Variants in POC1A observed in about 807,000 individuals in gnomAD.
The protein encoded by POC1A is POC1 centriolar protein A.
A neutral mutation model predicts 47.8 loss-of-function variants in POC1A; 34 were observed. The ratio of observed to expected loss-of-function variants is 0.71; its 90% CI spans 0.54 to 0.95. The LOEUF is 0.95. Ranked by LOEUF, POC1A falls within the 40% of genes least tolerant of loss-of-function variation. The probability of loss-of-function intolerance (pLI) is 0.00; values close to 1 mark genes in which losing one functional copy is unlikely to be tolerated. For synonymous variants in POC1A, 177 were observed against 207.6 expected (o/e 0.85, Z 1.27); for missense variants, 466 against 528.3 (o/e 0.88, Z 1.16).
chr3:52,098,846 A>C (rs1184975907), intron 9 of POC1A, among the ~76,000 whole-genome samples: 2 of 152,064 alleles, frequency 1.3e-5, no homozygotes, highest in African/African-American at 2.4e-5. Context: ...GTGTAACCTC[A>C]CTTCATCCTT....
At chr3:52,082,119 G>A (rs1038045199) in intron 10 of POC1A, among the ~76,000 whole-genome samples, 3 of 152,024 alleles carry the variant, frequency 2.0e-5, no homozygotes, top group Non-Finnish European at 4.4e-5. Flanking sequence ...GAGTTGCACT[G>A]CATTTTTAAG....
chr3:52,139,526 T>C (rs1313181711), intron 6 of POC1A, among the ~76,000 whole-genome samples: 1 of 152,078 alleles, frequency 6.6e-6, no homozygotes, highest in Non-Finnish European at 1.5e-5. Flanking sequence ...ACCTTAAAGC[T>C]CATTACTGGA....
In POC1A at chr3:52,119,698, G is replaced by T. The variant is rs377480779; in HGVS notation, c.981+2681C>A. On this transcript the variant is annotated intron_variant, in intron 9 of 10. Transcript: ENST00000296484. ...GGTGTGGGCCACCATGCCTGGCCTA[G>T]AAGACATTTTTGGTTGTCACAACTT... is the stretch of plus-strand genomic sequence containing the variant. Among the ~76,000 whole-genome samples, 32 of 152,262 alleles carry T rather than the reference G, an allele frequency of 2.1e-4. No individual in the cohort carries two copies. In the East Asian group the frequency reaches 5.4e-3, roughly 26 times the overall value.
intron 2 of POC1A, 152 bp from the exon 3 acceptor site, chr3:52,150,139 C>T (rs926708086): frequency 1.6e-5 from 10 of 644,378 alleles, no homozygotes; most frequent in Admixed American, 1.2e-4. Context: ...GAGCAGAGCA[C>T]ATCTCGAGGT....
chr3:52,131,504 G>A (rs1704208160), intron 7 of POC1A, among the ~76,000 whole-genome samples: 1 of 152,122 alleles, frequency 6.6e-6, no homozygotes, highest in South Asian at 2.1e-4. Context: ...AGACTTTCCA[G>A]AGCCTCAAAT....
At chr3:52,077,604 G>C (rs1702158358) in intron 10 of POC1A, among the ~76,000 whole-genome samples, 1 of 152,246 alleles carries the variant, frequency 6.6e-6, no homozygotes, top group African/African-American at 2.4e-5. Flanking sequence ...TGGCCAGCCA[G>C]CCGGGGAGGG....
At chr3:52,133,897 C>A (rs1704333573) in intron 7 of POC1A, among the ~76,000 whole-genome samples, 1 of 152,216 alleles carries the variant, frequency 6.6e-6, no homozygotes, top group African/African-American at 2.4e-5. Context: ...GCACTGTCCA[C>A]TTCTCAGATG....
At chr3:52,132,404 C>T (rs903081537) in intron 7 of POC1A, among the ~76,000 whole-genome samples, 37 of 152,146 alleles carry the variant, frequency 2.4e-4, no homozygotes, top group African/African-American at 8.0e-4. Context: ...AGTATCATCC[C>T]CCACCAGACA....
Position 52,079,482 on chromosome 3 carries a change from C to T in POC1A, c.1126-3497G>A, listed in dbSNP as rs984481749. Among the ~76,000 whole-genome samples the T allele has an allele frequency of 5.3e-5, 8 of 152,258 alleles. No homozygotes were observed. Among genetic ancestry groups the T allele is most frequent in the African/African-American group, 1.7e-4 (7 of 41,474 alleles). On this transcript the variant is annotated intron_variant, in intron 10 of 10. Coordinates refer to ENST00000296484, the MANE Select transcript of POC1A (RefSeq NM_015426.5). This position sits in a 1 kb window ranked among gnomAD's most constrained non-coding sequence, Gnocchi z 4.6. Reference sequence around the variant, plus strand: ...TCCACACTCCATGGCCTGGAAGCCACGACTTTCATTTATTCAAGGAAAAAT... The same window carrying T: ...TCCACACTCCATGGCCTGGAAGCCATGACTTTCATTTATTCAAGGAAAAAT...
intron 10 of POC1A, among the ~76,000 whole-genome samples, chr3:52,092,853 C>T (rs543014699): frequency 1.1e-4 from 17 of 152,328 alleles, no homozygotes; most frequent in African/African-American, 3.9e-4. Context: ...GTCCCAAGGG[C>T]AGTTTGGTTT....
At chr3:52,132,228 C>G (rs1704239736) in intron 7 of POC1A, among the ~76,000 whole-genome samples, 1 of 152,164 alleles carries the variant, frequency 6.6e-6, no homozygotes, top group African/African-American at 2.4e-5. Flanking sequence ...AGAGGCAACA[C>G]TGGAATCATC....
At chr3:52,082,865 C>G (rs140309528) in intron 10 of POC1A, among the ~76,000 whole-genome samples, 1 of 152,112 alleles carries the variant, frequency 6.6e-6, no homozygotes, top group Non-Finnish European at 1.5e-5. Context: ...TCAACAGATA[C>G]CCCCAGTCTG....
intron 9 of POC1A, among the ~76,000 whole-genome samples, chr3:52,110,487 T>C (rs1703343125): frequency 6.6e-6 from 1 of 152,222 alleles, no homozygotes; most frequent in Admixed American, 6.5e-5. Context: ...GTTTCTGAGC[T>C]TAAAAAAATA....
At chr3:52,109,533 C>T (rs1431375211) in intron 9 of POC1A, among the ~76,000 whole-genome samples, 2 of 151,958 alleles carry the variant, frequency 1.3e-5, no homozygotes, top group East Asian at 3.9e-4. Flanking sequence ...AAAGGAGCTG[C>T]GGAGCTGATC....
chr3:52,081,805 G>A (rs1285320866), intron 10 of POC1A, among the ~76,000 whole-genome samples: 1 of 152,142 alleles, frequency 6.6e-6, no homozygotes. Flanking sequence ...GTGGGAAGGT[G>A]AGGTGCAGGC....
intron 9 of POC1A, among the ~76,000 whole-genome samples, chr3:52,097,791 C>T (rs1052152927): frequency 1.3e-5 from 2 of 152,224 alleles, no homozygotes; most frequent in South Asian, 4.1e-4. Context: ...TGAGCAGCAC[C>T]GTGTCCACAC....
At chr3:52,111,739 T>C (rs1163198522) in intron 9 of POC1A, among the ~76,000 whole-genome samples, 2 of 147,226 alleles carry the variant, frequency 1.4e-5, no homozygotes, top group African/African-American at 5.0e-5. Context: ...ACCCAAGCCA[T>C]CTCTGGCTCA....
intron 4 of POC1A, 70 bp from the exon 5 acceptor site, chr3:52,147,165 C>T: frequency 8.3e-7 from 1 of 1,201,600 alleles, no homozygotes; most frequent in South Asian, 1.2e-5. Flanking sequence ...CCTTCTTCCA[C>T]AGCCACTCTT....
At chr3:52,101,624 T>C (rs1703008387) in intron 9 of POC1A, among the ~76,000 whole-genome samples, 1 of 152,108 alleles carries the variant, frequency 6.6e-6, no homozygotes, top group African/African-American at 2.4e-5. Context: ...CAGAGAAGTA[T>C]GGCTATAATG....
Sources: gnomAD v4.1 joint callset for allele counts (sites outside exome capture counted in the v4.1 genomes callset) on GRCh38, gnomAD v4.1.1 for gene constraint, Gnocchi (gnomAD v3.1) non-coding constraint, MANE v1.5 for transcripts, NCBI Gene and HGNC (gene_info 2026-07-23, HGNC 2026-07-21) for gene names.